Variants in MTOR observed in about 807,000 individuals in gnomAD.
The protein encoded by MTOR is mechanistic target of rapamycin kinase.
MTOR carries 70 observed loss-of-function variants against 319.8 expected under a neutral mutation model. That is an observed-to-expected ratio of 0.22 (90% CI 0.18 to 0.27). MTOR has a LOEUF of 0.27. Ranked by LOEUF, MTOR falls within the 10% of genes least tolerant of loss-of-function variation. The pLI is 1.00. For synonymous variants in MTOR, 1,183 were observed against 1,211.4 expected (o/e 0.98, Z 0.49); for missense variants, 1,890 against 3,274.4 (o/e 0.58, Z 10.32).
At chr1:11,189,741 C>T in intron 28 of MTOR, 1 of 1,614,140 alleles carries the variant, frequency 6.2e-7, no homozygotes. Context: ...AGCTCAAGGC[C>T]CAAGTTGCCA....
At position 11,115,536 on chromosome 1, in the gene MTOR, CG is replaced by C. The variant is rs1642119186; in HGVS notation, c.7017-69del. On this transcript the variant is annotated intron_variant, in intron 50 of 57. Coordinates refer to ENST00000361445, the MANE Select transcript of MTOR (RefSeq NM_004958.4). The surrounding 1 kb of genome is among the most constrained non-coding windows in gnomAD (Gnocchi z 4.5). ...TAACGGATGAAAAAATCAATAAGTA[CG>C]TGATACTGTAAGCTAGGAGTTGGCA... 6.9e-7 allele frequency: 1 copy of C among 1,454,156 alleles called. No homozygotes were observed. Among genetic ancestry groups the C allele is most frequent in the African/African-American group, 1.4e-5 (1 of 71,712 alleles). The allele number at this position is 1,454,156 out of a possible 1,614,324, so 90.1% of individuals were successfully genotyped here.
intron 36 of MTOR, among the ~76,000 whole-genome samples, chr1:11,137,913 A>G (rs1484285953): frequency 6.6e-6 from 1 of 152,226 alleles, no homozygotes; most frequent in Non-Finnish European, 1.5e-5. Flanking sequence ...TGTCTTGCTC[A>G]GTAGCACAAT....
chr1:11,233,297 G>A, intron 15 of MTOR, 101 bp downstream of exon 15: 2 of 1,069,498 alleles, frequency 1.9e-6, no homozygotes, highest in South Asian at 2.8e-5. Flanking sequence ...ATAAATATGT[G>A]AGACCTTTCA....
At position 11,243,137 on chromosome 1, in the gene MTOR, C is replaced by A. The variant is rs143727655; in HGVS notation, c.1389G>T (p.Leu463=). 23 of 1,613,970 alleles carry A rather than the reference C, an allele frequency of 1.4e-5. No homozygotes were observed. Among genetic ancestry groups the A allele is most frequent in the Non-Finnish European group, 1.8e-5 (21 of 1,180,040 alleles). ...ACTTATGGGCGAAGTCCTTTGGGGG[C>A]AGGGCCGCTCGGATGATGTCCAGCA... is the stretch of plus-strand genomic sequence containing the variant. ...PRVLDIIRAA[L]PPKDFAHKRQ... The change falls in exon 9 of 58, where the codon CTG becomes CTT. Residue 463 remains leucine (L), a synonymous_variant. Transcript: ENST00000361445.
chr1:11,236,341 C>T (rs1647225618), intron 13 of MTOR, among the ~76,000 whole-genome samples: 1 of 151,910 alleles, frequency 6.6e-6, no homozygotes. Flanking sequence ...TTGTCATGTT[C>T]CCCAGGCTGG....
chr1:11,198,351 C>T (rs920024561), intron 28 of MTOR, among the ~76,000 whole-genome samples: 2 of 152,150 alleles, frequency 1.3e-5, no homozygotes, highest in Admixed American at 6.5e-5. Flanking sequence ...TATCTTTTCG[C>T]TAACTTTTTA....
chr1:11,122,689 A>T (rs897552726), intron 47 of MTOR, among the ~76,000 whole-genome samples: 28 of 151,092 alleles, frequency 1.9e-4, no homozygotes, highest in African/African-American at 6.6e-4. Flanking sequence ...TTGTATTTTT[A>T]GTAGAGACGG....
At chr1:11,197,547 A>G (rs1002039630) in intron 28 of MTOR, among the ~76,000 whole-genome samples, 1 of 152,090 alleles carries the variant, frequency 6.6e-6, no homozygotes, top group Non-Finnish European at 1.5e-5. Flanking sequence ...TCACTCATTC[A>G]TTCACTTTTT....
chr1:11,168,090 T>C (rs1258493614), intron 28 of MTOR, among the ~76,000 whole-genome samples: 4 of 150,452 alleles, frequency 2.7e-5, no homozygotes, highest in African/African-American at 4.9e-5. Context: ...AAAAAGAGCA[T>C]AGACTGGTTT....
chr1:11,232,590 G>A (rs1163408573), intron 15 of MTOR, 62 bp from the exon 16 acceptor site: 1 of 1,448,348 alleles, frequency 6.9e-7, no homozygotes, highest in Non-Finnish European at 9.7e-7. Flanking sequence ...AAAGTATTTT[G>A]GAGGCCGGGC....
In MTOR at chr1:11,115,581, A is replaced by G. The variant is rs1642122528; in HGVS notation, c.7017-113T>C. The G allele has an allele frequency of 1.1e-6, 1 of 916,226 alleles. No individual in the cohort carries two copies. The highest frequency in any genetic ancestry group is 1.9e-5 in the Admixed American group (1 of 52,734). The allele number at this position is 916,226 out of a possible 1,614,324, so 56.8% of individuals were successfully genotyped here. ...GTTGGCAAACGATAGCCCTCAGCCA[A>G]TCCAGCCCCTCCACCTCCACTTCTG... On this transcript the variant is annotated intron_variant, in intron 50 of 57. Transcript: ENST00000361445. The surrounding 1 kb of genome is among the most constrained non-coding windows in gnomAD (Gnocchi z 4.5).
At position 11,139,590 on chromosome 1, in the gene MTOR, A is replaced by C. The variant is rs144984370; in HGVS notation, c.4941T>G (p.His1647Gln). Residue 1647 changes from histidine to glutamine, a missense_variant, in exon 35 of 58, where the codon CAT (histidine) becomes CAG (glutamine). Coordinates refer to ENST00000361445, the MANE Select transcript of MTOR (RefSeq NM_004958.4). ...LMVRSLVVSP[H>Q]EDMRTWLKYA... is the part of the protein sequence containing the mutation. ...ACTTGAGCCAGGTTCTCATGTCTTCATGAGGGCTGACCACAAGGGACCGCA... is the reference window on the plus strand; with the variant it reads ...ACTTGAGCCAGGTTCTCATGTCTTCCTGAGGGCTGACCACAAGGGACCGCA... The C allele has an allele frequency of 4.8e-4, 779 of 1,614,188 alleles. 2 individuals carry two copies. The highest frequency in any genetic ancestry group is 6.4e-4 in the Non-Finnish European group (761 of 1,180,036).
At chr1:11,120,457 G>A (rs961356685) in intron 49 of MTOR, among the ~76,000 whole-genome samples, 5 of 151,606 alleles carry the variant, frequency 3.3e-5, no homozygotes, top group African/African-American at 1.2e-4. Context: ...AGAATCGCTT[G>A]AACCCAGGGG....
chr1:11,240,329 C>A lies in MTOR; in HGVS notation c.1760G>T (p.Arg587Leu). The A allele has an allele frequency of 6.3e-7, 1 of 1,578,580 alleles. No individual in the cohort carries two copies. Among genetic ancestry groups the A allele is most frequent in the Non-Finnish European group, 8.6e-7 (1 of 1,161,152 alleles). Residue 587 changes from arginine (R) to leucine (L), a missense_variant, in exon 11 of 58, where the codon CGA (arginine) becomes CTA (leucine). Physicochemically the swap from Arg to Leu is moderately radical, Grantham distance 102. Around this residue, in one of 15 missense-constraint regions of MTOR, gnomAD observed 418 missense variants for 543.1 expected, o/e 0.77. Coordinates refer to ENST00000361445, the MANE Select transcript of MTOR (RefSeq NM_004958.4). ...TTCAAATTCAAAGCTGCCAAGCGTT[C>A]GGAGGGCAAGAGTGATGCTGCCCAC... ...SDVGSITLALRTLGSFEFEGH... is the reference protein window; with the variant it reads ...SDVGSITLALLTLGSFEFEGH...
At chr1:11,201,594 ATAAT>A (rs1460369618) in intron 26 of MTOR, among the ~76,000 whole-genome samples, 1 of 152,236 alleles carries the variant, frequency 6.6e-6, no homozygotes, top group Non-Finnish European at 1.5e-5. Context: ...CTCATTATAA[ATAAT>A]TAATATCCAA....
intron 14 of MTOR, among the ~76,000 whole-genome samples, 175 bp from the exon 15 acceptor site, chr1:11,233,662 G>C (rs528724803): frequency 6.6e-6 from 1 of 152,312 alleles, no homozygotes; most frequent in East Asian, 1.9e-4. Flanking sequence ...TCCATATGAA[G>C]TCTAAGTCTG....
chr1:11,148,882 A>G (rs1465330975), intron 31 of MTOR, among the ~76,000 whole-genome samples: 1 of 151,334 alleles, frequency 6.6e-6, no homozygotes, highest in Non-Finnish European at 1.5e-5. Context: ...TGGGTGACAG[A>G]GCGAGACTCC....
intron 50 of MTOR, among the ~76,000 whole-genome samples, chr1:11,116,015 C>CA (rs2100326897): frequency 6.6e-6 from 1 of 152,312 alleles, no homozygotes; most frequent in South Asian, 2.1e-4. Flanking sequence ...CTTTTAAAAA[C>CA]AAAAATCTAC....
At chr1:11,222,175 CT>C (rs1013876577) in intron 19 of MTOR, among the ~76,000 whole-genome samples, 3 of 151,380 alleles carry the variant, frequency 2.0e-5, no homozygotes, top group Non-Finnish European at 2.9e-5. Context: ...ATATAAAGTT[CT>C]TTTTTAAAAT....
Sources: allele counts gnomAD v4.1 joint callset (sites outside exome capture counted in the v4.1 genomes callset), GRCh38; gene constraint gnomAD v4.1.1; regional missense constraint gnomAD v4.1.1; non-coding constraint Gnocchi (gnomAD v3.1); transcripts MANE v1.5; gene names NCBI Gene and HGNC (gene_info 2026-07-23, HGNC 2026-07-21).